Variants in SLC2A13 observed in about 807,000 individuals in gnomAD.
SLC2A13 encodes the protein solute carrier family 2 member 13, also known as proton myo-inositol cotransporter.
Under a neutral mutation model 64.4 loss-of-function variants are expected in SLC2A13, and 32 were observed. The observed-to-expected ratio is 0.50, with a 90% CI of 0.37 to 0.67. The LOEUF (loss-of-function observed/expected upper bound fraction) is 0.67, where lower values mean the gene tolerates loss of function less well. SLC2A13 is among the 30% of genes least tolerant of loss of function. The probability of loss-of-function intolerance (pLI) is 0.00; values close to 1 mark genes in which losing one functional copy is unlikely to be tolerated. For synonymous variants in SLC2A13, 338 were observed against 327.1 expected (o/e 1.03, Z -0.36); for missense variants, 743 against 829.2 (o/e 0.90, Z 1.28).
chr12:40,094,881 G>C (rs1938886447), intron 1 of SLC2A13, among the ~76,000 whole-genome samples: 4 of 152,212 alleles, frequency 2.6e-5, no homozygotes, highest in Admixed American at 2.6e-4. Flanking sequence ...TTGAATAGGA[G>C]ACAGGGAGAG....
At chr12:40,013,614 C>G (rs550436372) in intron 3 of SLC2A13, among the ~76,000 whole-genome samples, 3 of 152,324 alleles carry the variant, frequency 2.0e-5, no homozygotes, top group Non-Finnish European at 4.4e-5. Context: ...CTATATGACA[C>G]AAGAACCACT....
At chr12:40,091,668 G>A (rs1271694960) in intron 1 of SLC2A13, among the ~76,000 whole-genome samples, 3 of 152,106 alleles carry the variant, frequency 2.0e-5, no homozygotes, top group Non-Finnish European at 4.4e-5. Context: ...GTGAAATGAG[G>A]TAACTAACTC....
chr12:39,790,554 CT>C (rs1194646891), intron 7 of SLC2A13, among the ~76,000 whole-genome samples: 1 of 148,022 alleles, frequency 6.8e-6, no homozygotes, highest in Admixed American at 6.8e-5. Flanking sequence ...TGAACTCATC[CT>C]TTTTTATGGC....
At chr12:39,867,809 C>T (rs924585313) in intron 5 of SLC2A13, among the ~76,000 whole-genome samples, 6 of 152,142 alleles carry the variant, frequency 3.9e-5, no homozygotes, top group Non-Finnish European at 2.9e-5. Flanking sequence ...GTACCCCAAC[C>T]TCTGAATCAG....
At chr12:40,037,858 A>G (rs1275400046) in intron 2 of SLC2A13, among the ~76,000 whole-genome samples, 2 of 152,106 alleles carry the variant, frequency 1.3e-5, no homozygotes, top group Non-Finnish European at 2.9e-5. Context: ...CATTATCCTC[A>G]TAATGTCCAT....
At position 40,105,499 on chromosome 12, in the gene SLC2A13, C is replaced by A; in HGVS notation, c.310G>T (p.Gly104Trp). 1 of 1,578,174 alleles carries A rather than the reference C, an allele frequency of 6.3e-7. No individual in the cohort carries two copies. Among genetic ancestry groups the A allele is most frequent in the African/African-American group, 1.4e-5 (1 of 73,006 alleles). Reference protein sequence around the residue: ...LFGYDTGVVSGAMLLLKRQLS... With the variant: ...LFGYDTGVVSWAMLLLKRQLS... ...TGCCGCTTGAGCAGCAGCATGGCCC[C>A]TGACACCACCCCGGTGTCATAGCCA... Residue 104 changes from glycine to tryptophan, a missense_variant, in exon 1 of 10, where the codon GGG (glycine) becomes TGG (tryptophan). Physicochemically the swap from Gly to Trp is radical, Grantham distance 184. Transcript: ENST00000280871. The surrounding 1 kb of genome is among the most constrained non-coding windows in gnomAD (Gnocchi z 4.2).
chr12:40,005,917 G>A (rs1326334713), intron 3 of SLC2A13, among the ~76,000 whole-genome samples: 1 of 152,140 alleles, frequency 6.6e-6, no homozygotes, highest in Non-Finnish European at 1.5e-5. Context: ...CCAACGTAAG[G>A]CCCTACCTCA....
At chr12:39,821,969 G>C (rs1942527660) in intron 7 of SLC2A13, among the ~76,000 whole-genome samples, 1 of 151,986 alleles carries the variant, frequency 6.6e-6, no homozygotes, top group South Asian at 2.1e-4. Flanking sequence ...TGCACAATGT[G>C]CAGGTTAGTT....
chr12:39,919,229 G>A lies in SLC2A13; in HGVS notation c.1034+32028C>T, dbSNP rs79668903. On this transcript the variant is annotated intron_variant, in intron 4 of 9. Transcript: ENST00000280871. ...CTGGTGTGAGCCACTGTGCTCGGCC[G>A]ATTATAAATATTGTAGCATGAAAGA... 5.5e-3 allele frequency among the ~76,000 whole-genome samples: 835 copies of A among 152,148 alleles called. 11 individuals carry two copies. The highest frequency in any genetic ancestry group is 0.019 in the African/African-American group (793 of 41,470).
At chr12:40,085,514 C>A (rs1391644080) in intron 1 of SLC2A13, among the ~76,000 whole-genome samples, 1 of 152,152 alleles carries the variant, frequency 6.6e-6, no homozygotes, top group Non-Finnish European at 1.5e-5. Flanking sequence ...TGCTGCAAAA[C>A]TGATTGCTTG....
chr12:39,909,998 A>T (rs941896360), intron 4 of SLC2A13, among the ~76,000 whole-genome samples: 6 of 151,880 alleles, frequency 4.0e-5, no homozygotes, highest in Admixed American at 3.3e-4. Flanking sequence ...TATCTTTTTT[A>T]AAAAAGTACT....
intron 1 of SLC2A13, among the ~76,000 whole-genome samples, chr12:40,103,780 A>C (rs752941211): frequency 3.3e-5 from 5 of 152,244 alleles, no homozygotes; most frequent in African/African-American, 4.8e-5. Flanking sequence ...AATCGTGGTC[A>C]CTTAAACAGC....
In SLC2A13 at chr12:39,760,095, A is replaced by C; in HGVS notation, c.1878T>G (p.Tyr626Ter). Residue 626 changes from tyrosine to a stop codon, truncating the protein, a stop_gained, in exon 10 of 10, where the codon TAT becomes TAG. Transcript: ENST00000280871. LOFTEE classifies it high-confidence loss of function. ...CGTSDSDEGRYIEYIRVKGSN... is the reference protein window; with the variant it reads ...CGTSDSDEGR ...TTCCCTTTACCCGAATATATTCAATATATCTCCCTTCATCAGAATCTGAAG... is the reference window on the plus strand; with the variant it reads ...TTCCCTTTACCCGAATATATTCAATCTATCTCCCTTCATCAGAATCTGAAG... The C allele has an allele frequency of 6.2e-7, 1 of 1,612,928 alleles. No homozygotes were observed. Among genetic ancestry groups the C allele is most frequent in the Non-Finnish European group, 8.5e-7 (1 of 1,179,324 alleles).
At chr12:39,879,746 T>C (rs1328565986) in intron 4 of SLC2A13, among the ~76,000 whole-genome samples, 1 of 152,216 alleles carries the variant, frequency 6.6e-6, no homozygotes, top group African/African-American at 2.4e-5. Flanking sequence ...GATGAGATCT[T>C]GAACTTTTGA....
chr12:40,060,096 CATGGATGG>C (rs567067359), intron 1 of SLC2A13, among the ~76,000 whole-genome samples: 29 of 151,328 alleles, frequency 1.9e-4, no homozygotes, highest in Admixed American at 4.0e-4. Flanking sequence ...TGGATGGATG[CATGGATGG>C]ATGGATGGAT....
chr12:40,038,741 A>AG (rs1004933667), intron 2 of SLC2A13, among the ~76,000 whole-genome samples: 1 of 139,356 alleles, frequency 7.2e-6, no homozygotes, highest in African/African-American at 2.7e-5. Flanking sequence ...AAAAAAAAAA[A>AG]AAAGAAAGAA....
intron 4 of SLC2A13, among the ~76,000 whole-genome samples, chr12:39,890,590 G>T (rs925468010): frequency 2.6e-5 from 4 of 152,148 alleles, no homozygotes; most frequent in Non-Finnish European, 4.4e-5. Flanking sequence ...ATACTAGACT[G>T]TAAGATAATT....
At chr12:39,779,980 TC>T (rs1940921591) in intron 7 of SLC2A13, among the ~76,000 whole-genome samples, 1 of 152,240 alleles carries the variant, frequency 6.6e-6, no homozygotes, top group African/African-American at 2.4e-5. Context: ...TTCTTTTCAA[TC>T]CATTTTATAG....
chr12:40,105,169 C>G lies in SLC2A13; in HGVS notation c.556+84G>C. ...GACCCTGGGAGACCAGACGGGGACC[C>G]CGATGGGCAAGAGGCACGCAACACC... is the stretch of plus-strand genomic sequence containing the variant. On this transcript the variant is annotated intron_variant, in intron 1 of 9. Transcript: ENST00000280871. The surrounding 1 kb of genome is among the most constrained non-coding windows in gnomAD (Gnocchi z 4.2). 1 of 1,425,394 alleles carries G rather than the reference C, an allele frequency of 7.0e-7. No homozygotes were observed. Among genetic ancestry groups the G allele is most frequent in the South Asian group, 1.5e-5 (1 of 67,176 alleles). The allele number at this position is 1,425,394 out of a possible 1,614,324, so 88.3% of individuals were successfully genotyped here.
Sources: allele counts gnomAD v4.1 joint callset (sites outside exome capture counted in the v4.1 genomes callset), GRCh38; gene constraint gnomAD v4.1.1; non-coding constraint Gnocchi (gnomAD v3.1); transcripts MANE v1.5; gene names NCBI Gene and HGNC (gene_info 2026-07-23, HGNC 2026-07-21).